The following TINAG variants were observed in gnomAD, a reference collection of about 807,000 sequenced individuals.
TINAG encodes tubulointerstitial nephritis antigen.
TINAG carries 83 observed loss-of-function variants against 72.7 expected under a neutral mutation model. That is an observed-to-expected ratio of 1.14 (90% confidence interval 0.96 to 1.37). The LOEUF is 1.37. Ranked by LOEUF, TINAG falls within the 40% of genes most tolerant of loss-of-function variation. The pLI, the probability that TINAG is intolerant of heterozygous loss-of-function variation, is 0.00. For missense variants in TINAG, 685 were observed against 576.6 expected (o/e 1.19, Z -1.93); for synonymous variants, 234 against 189.9 (o/e 1.23, Z -1.91).
chr6:54,372,747 T>C (rs1003290070), intron 9 of TINAG, among the ~76,000 whole-genome samples: 2 of 10,774 alleles, frequency 1.9e-4, no homozygotes, highest in African/African-American at 4.3e-4. Context: ...TATATATATA[T>C]ATATATATAT....
chr6:54,351,209 A>G, intron 7 of TINAG, 143 bp from the exon 8 acceptor site: 1 of 650,040 alleles, frequency 1.5e-6, no homozygotes, highest in Non-Finnish European at 2.6e-6. Context: ...GTCTTTAACA[A>G]TTTCATTAAT....
intron 9 of TINAG, among the ~76,000 whole-genome samples, chr6:54,361,235 G>A (rs759578585): frequency 1.3e-5 from 2 of 151,268 alleles, no homozygotes; most frequent in African/African-American, 2.4e-5. Flanking sequence ...TCCTATAAAG[G>A]CTTCTAAGGG....
intron 9 of TINAG, among the ~76,000 whole-genome samples, chr6:54,363,404 G>A (rs1033860746): frequency 2.0e-5 from 3 of 151,488 alleles, no homozygotes; most frequent in African/African-American, 7.3e-5. Flanking sequence ...TGGTGGAAGA[G>A]TTGGGAGATA....
intron 7 of TINAG, among the ~76,000 whole-genome samples, chr6:54,350,283 C>G (rs1785233656): frequency 6.6e-6 from 1 of 151,888 alleles, no homozygotes; most frequent in African/African-American, 2.4e-5. Flanking sequence ...TTTAAGAGGA[C>G]CTGGGTCTAA....
At chr6:54,357,662 C>T (rs898021595) in intron 9 of TINAG, among the ~76,000 whole-genome samples, 3 of 151,834 alleles carry the variant, frequency 2.0e-5, no homozygotes, top group African/African-American at 7.2e-5. Context: ...TCTTTTGGCC[C>T]TTTCAACGTA....
rs150822313 is a variant in TINAG at position 54,325,698 on chromosome 6, C to T, written c.510-1104C>T. On this transcript the variant is annotated intron_variant, in intron 3 of 10. Coordinates refer to ENST00000259782, the MANE Select transcript of TINAG (RefSeq NM_014464.4). ...TGACCTGATGTTTGAAAACTACTAA[C>T]ATAGGGCAACAAAAACATACTTACT... is the stretch of plus-strand genomic sequence containing the variant. 5.6e-4 allele frequency among the ~76,000 whole-genome samples: 85 copies of T among 152,272 alleles called. 1 individual carries two copies. In the East Asian group the frequency reaches 7.7e-3, roughly 14 times the overall value.
At chr6:54,314,892 T>G (rs1784337584) in intron 1 of TINAG, among the ~76,000 whole-genome samples, 1 of 152,172 alleles carries the variant, frequency 6.6e-6, no homozygotes, top group Non-Finnish European at 1.5e-5. Flanking sequence ...TTTACTCCAT[T>G]CACTATGAAA....
chr6:54,340,406 A>AT (rs1784969685), intron 4 of TINAG, among the ~76,000 whole-genome samples: 1 of 152,016 alleles, frequency 6.6e-6, no homozygotes, highest in South Asian at 2.1e-4. Context: ...AAAAAAAAAA[A>AT]AAATTAAAAA....
intron 5 of TINAG, among the ~76,000 whole-genome samples, chr6:54,346,611 A>T (rs1342700381): frequency 1.3e-5 from 2 of 150,988 alleles, no homozygotes; most frequent in African/African-American, 2.4e-5. Context: ...TAGTTACAAC[A>T]GTTAGTAACA....
chr6:54,373,202 C>T (rs1024516254), intron 9 of TINAG, among the ~76,000 whole-genome samples: 5 of 83,760 alleles, frequency 6.0e-5, no homozygotes, highest in Non-Finnish European at 1.5e-4. Context: ...CAACCCCACA[C>T]TTTTCCATTT....
At chr6:54,328,889 C>T (rs1784671574) in intron 4 of TINAG, among the ~76,000 whole-genome samples, 1 of 151,592 alleles carries the variant, frequency 6.6e-6, no homozygotes. Context: ...TGAAGATCAA[C>T]TTAATGAAAT....
intron 5 of TINAG, among the ~76,000 whole-genome samples, chr6:54,345,646 G>T (rs1417652336): frequency 6.6e-6 from 1 of 152,010 alleles, no homozygotes; most frequent in Non-Finnish European, 1.5e-5. Flanking sequence ...TGATGAAATG[G>T]GGAATTATTT....
intron 4 of TINAG, among the ~76,000 whole-genome samples, chr6:54,341,369 T>G (rs937476930): frequency 6.6e-6 from 1 of 152,172 alleles, no homozygotes; most frequent in Non-Finnish European, 1.5e-5. Context: ...GCAGTCCATC[T>G]AATGTCATCA....
intron 10 of TINAG, among the ~76,000 whole-genome samples, chr6:54,385,240 A>G (rs1419476753): frequency 6.6e-6 from 1 of 152,114 alleles, no homozygotes; most frequent in African/African-American, 2.4e-5. Flanking sequence ...CTTTGCAAAA[A>G]ATGATTAAAT....
chr6:54,330,033 C>T (rs1287180822), intron 4 of TINAG, among the ~76,000 whole-genome samples: 2 of 151,952 alleles, frequency 1.3e-5, no homozygotes, highest in African/African-American at 4.8e-5. Context: ...AAGATTTTAA[C>T]ACCCCACTGT....
At chr6:54,348,647 A>T (rs1582728172) in intron 6 of TINAG, among the ~76,000 whole-genome samples, 2 of 152,194 alleles carry the variant, frequency 1.3e-5, no homozygotes, top group Middle Eastern at 3.4e-3. Flanking sequence ...AATCGTATCT[A>T]TTATGGCCCT....
At chr6:54,382,562 A>G (rs1763983295) in intron 10 of TINAG, among the ~76,000 whole-genome samples, 1 of 152,144 alleles carries the variant, frequency 6.6e-6, no homozygotes, top group Non-Finnish European at 1.5e-5. Flanking sequence ...AAGGTCTGAG[A>G]TATTATCCCA....
chr6:54,367,830 A>C (rs1385050445), intron 9 of TINAG, among the ~76,000 whole-genome samples: 1 of 151,764 alleles, frequency 6.6e-6, no homozygotes, highest in African/African-American at 2.4e-5. Context: ...GGAGGATGGA[A>C]AGTCTAAGAT....
chr6:54,387,587 T>A (rs890719277), intron 10 of TINAG, among the ~76,000 whole-genome samples: 2 of 152,122 alleles, frequency 1.3e-5, no homozygotes, highest in South Asian at 4.1e-4. Flanking sequence ...CCTTCTGGGG[T>A]GCTATAAGTG....
Sources: gnomAD v4.1 joint callset for allele counts (sites outside exome capture counted in the v4.1 genomes callset) on GRCh38, gnomAD v4.1.1 for gene constraint, MANE v1.5 for transcripts, NCBI Gene and HGNC (gene_info 2026-07-23, HGNC 2026-07-21) for gene names.